Variants in MALL observed in about 807,000 individuals in gnomAD.
MALL encodes the protein MAL-like protein.
In MALL, 2 loss-of-function variants were observed where a neutral mutation model predicts 10.3. The observed-to-expected ratio is 0.19, with a 90% CI of 0.08 to 0.61. The LOEUF (loss-of-function observed/expected upper bound fraction) is 0.61. Among genes scored for constraint, MALL ranks in the 20% least tolerant of loss-of-function variants. The pLI, the probability that MALL is intolerant of heterozygous loss-of-function variation, is 0.88. For synonymous variants in MALL, 27 were observed against 51.8 expected (o/e 0.52, Z 2.05); for missense variants, 39 against 115.2 (o/e 0.34, Z 3.03).
At chr2:110,096,713 A>C (rs1302129701) in intron 1 of MALL, among the ~76,000 whole-genome samples, 2 of 123,714 alleles carry the variant, frequency 1.6e-5, no homozygotes, top group Admixed American at 1.5e-4. Context: ...ATGTACCTAC[A>C]CACACACACA....
Position 110,115,784 on chromosome 2 carries a change from C to A in MALL, c.9G>T (p.Ser3=). MA[S]PDPPATSYAP... is the part of the protein sequence containing the mutation. ...CGTAGCTGGTGGCGGGCGGGTCGGG[C>A]GAGGCCATGCTGTCAGCCCCTGCCG... The change falls in exon 1 of 4, where the codon TCG becomes TCT. Residue 3 remains serine (S), a synonymous_variant. Coordinates refer to ENST00000272462, the MANE Select transcript of MALL (RefSeq NM_005434.5). The A allele has an allele frequency of 7.9e-7, 1 of 1,267,222 alleles. No homozygotes were observed. Among genetic ancestry groups the A allele is most frequent in the Non-Finnish European group, 1.0e-6 (1 of 999,822 alleles). The allele number at this position is 1,267,222 out of a possible 1,614,324, so 78.5% of individuals were successfully genotyped here.
At chr2:110,113,980 C>T (rs962607493) in intron 1 of MALL, among the ~76,000 whole-genome samples, 1 of 151,952 alleles carries the variant, frequency 6.6e-6, no homozygotes, top group Non-Finnish European at 1.5e-5. Context: ...GAGCCCCTCA[C>T]CCCCCACAAC....
intron 1 of MALL, among the ~76,000 whole-genome samples, chr2:110,109,829 G>A (rs1678764574): frequency 3.3e-5 from 5 of 152,088 alleles, no homozygotes; most frequent in Admixed American, 3.3e-4. Context: ...ACCATAAAAT[G>A]AGACTTGATA....
At position 110,115,734 on chromosome 2, in the gene MALL, AC is replaced by A. The variant is rs1353607518; in HGVS notation, c.58del (p.Val20SerfsTer16). ...SYAPSDVPSG[V>X]ALFLTIPFAF... ...GAAAGGGATGGTGAGGAACAGCGCGACCCCCGAGGGCACGTCGGACGGGGCG... is the reference window on the plus strand; with the variant it reads ...GAAAGGGATGGTGAGGAACAGCGCGACCCCGAGGGCACGTCGGACGGGGCG... On this transcript the variant is annotated frameshift_variant, in exon 1 of 4. Transcript: ENST00000272462. LOFTEE classifies it high-confidence loss of function. 7.8e-7 allele frequency: 1 copy of A among 1,289,732 alleles called. No individual in the cohort carries two copies. Among genetic ancestry groups the A allele is most frequent in the South Asian group, 3.6e-5 (1 of 28,060 alleles). 79.9% of individuals were successfully genotyped at this position (1,289,732 alleles called of 1,614,324 possible). A position where few individuals can be genotyped will look rare whatever the true frequency, so the allele number is the denominator to read the frequency against.
chr2:110,099,403 C>G (rs1271112394), intron 1 of MALL, among the ~76,000 whole-genome samples: 1 of 152,170 alleles, frequency 6.6e-6, no homozygotes, highest in Non-Finnish European at 1.5e-5. Flanking sequence ...TTTGCAAATA[C>G]AGAATCCAGG....
intron 1 of MALL, among the ~76,000 whole-genome samples, chr2:110,103,726 T>C (rs976016652): frequency 1.3e-5 from 2 of 152,052 alleles, no homozygotes; most frequent in South Asian, 2.1e-4. Flanking sequence ...CCCCTCCGGG[T>C]GGGCTGGCCT....
At chr2:110,114,296 C>T (rs1678863940) in intron 1 of MALL, among the ~76,000 whole-genome samples, 1 of 152,076 alleles carries the variant, frequency 6.6e-6, no homozygotes, top group Admixed American at 6.5e-5. Flanking sequence ...CCACCATCCA[C>T]TTGTTGGGAG....
chr2:110,105,245 C>T (rs1405584547), intron 1 of MALL, among the ~76,000 whole-genome samples: 1 of 152,234 alleles, frequency 6.6e-6, no homozygotes, highest in African/African-American at 2.4e-5. Context: ...AGAGTAGGGG[C>T]TGGGCCTGGC....
At chr2:110,101,779 C>T (rs1678568938) in intron 1 of MALL, among the ~76,000 whole-genome samples, 1 of 152,128 alleles carries the variant, frequency 6.6e-6, no homozygotes, top group South Asian at 2.1e-4. Flanking sequence ...ATAAAATTGA[C>T]TAATGAGAAC....
chr2:110,115,663 C>A (rs1256124721), intron 1 of MALL, 25 bp downstream of exon 1: 17 of 1,237,394 alleles, frequency 1.4e-5, no homozygotes, highest in Non-Finnish European at 1.7e-5. Flanking sequence ...CTGCAGGTGG[C>A]CCGGGTCGGG....
intron 1 of MALL, among the ~76,000 whole-genome samples, chr2:110,100,233 CTT>C (rs775670557): frequency 8.5e-5 from 13 of 152,106 alleles, no homozygotes; most frequent in Non-Finnish European, 1.6e-4. Flanking sequence ...AATCCCAGCA[CTT>C]TGGGAAGCTG....
chr2:110,106,899 A>G (rs1678708215), intron 1 of MALL, among the ~76,000 whole-genome samples: 1 of 152,196 alleles, frequency 6.6e-6, no homozygotes, highest in Non-Finnish European at 1.5e-5. Flanking sequence ...GGAAGGAGCT[A>G]TTGACATAGG....
intron 1 of MALL, among the ~76,000 whole-genome samples, chr2:110,100,468 G>T (rs1487880965): frequency 2.2e-5 from 1 of 45,348 alleles, no homozygotes; most frequent in South Asian, 4.3e-3. Context: ...GCAAGACTCT[G>T]TCCCCCACCC....
In MALL at chr2:110,096,086, C is replaced by T. The variant is rs571074732; in HGVS notation, c.106-4316G>A. On this transcript the variant is annotated intron_variant, in intron 1 of 3. Transcript: ENST00000272462. ...GGGGGCAAAGAGCTTCTCAAATATA[C>T]GCATACCTGAGCACTACCCTCCGGG... Among the ~76,000 whole-genome samples, 113 of 152,250 alleles carry T rather than the reference C, an allele frequency of 7.4e-4. 3 individuals are homozygous for T. In the South Asian group the frequency reaches 0.022, roughly 30 times the overall value.
intron 1 of MALL, among the ~76,000 whole-genome samples, chr2:110,102,879 T>TA (rs1366422669): frequency 6.6e-6 from 1 of 152,042 alleles, no homozygotes. Flanking sequence ...GACAGACTAC[T>TA]AAAAAATGTG....
intron 1 of MALL, among the ~76,000 whole-genome samples, chr2:110,108,002 CA>C (rs1309607084): frequency 6.6e-6 from 1 of 152,174 alleles, no homozygotes; most frequent in African/African-American, 2.4e-5. Context: ...AATACTACAT[CA>C]GGGGAACACC....
intron 1 of MALL, among the ~76,000 whole-genome samples, chr2:110,098,172 C>T (rs1262092577): frequency 2.6e-5 from 4 of 151,516 alleles, no homozygotes; most frequent in Non-Finnish European, 5.9e-5. Flanking sequence ...TAAGTCCAGG[C>T]TCTCTTGCCT....
At chr2:110,106,095 C>T (rs1355324668) in intron 1 of MALL, among the ~76,000 whole-genome samples, 1 of 152,184 alleles carries the variant, frequency 6.6e-6, no homozygotes, top group Non-Finnish European at 1.5e-5. Flanking sequence ...ATGGTCTCCG[C>T]TTTTAACTTT....
chr2:110,106,792 G>A (rs1398389673), intron 1 of MALL, among the ~76,000 whole-genome samples: 1 of 152,096 alleles, frequency 6.6e-6, no homozygotes, highest in Non-Finnish European at 1.5e-5. Context: ...ATTTGGAACG[G>A]CCAAGAACTG....
Sources: gnomAD v4.1 joint callset for allele counts (sites outside exome capture counted in the v4.1 genomes callset) on GRCh38, gnomAD v4.1.1 for gene constraint, MANE v1.5 for transcripts, NCBI Gene and HGNC (gene_info 2026-07-23, HGNC 2026-07-21) for gene names.